RNF125: variants seen among roughly 807,000 people sequenced by gnomAD.
RNF125 encodes the protein E3 ubiquitin-protein ligase RNF125.
A neutral mutation model predicts 26.0 loss-of-function variants in RNF125; 21 were observed. That is an observed-to-expected ratio of 0.81 (90% CI 0.57 to 1.16). The LOEUF (loss-of-function observed/expected upper bound fraction) is 1.16. Ranked by LOEUF, RNF125 falls within the 50% of genes most tolerant of loss-of-function variation. The pLI, the probability that RNF125 is intolerant of heterozygous loss-of-function variation, is 0.00. For missense variants in RNF125, 270 were observed against 299.4 expected, an observed-to-expected ratio of 0.90 and a Z score of 0.72; for synonymous variants, 95 against 109.2, an observed-to-expected ratio of 0.87 and a Z score of 0.81.
chr18:32,040,265 CTTTCTTTTTTTTTT>C (rs1289898423), intron 2 of RNF125, among the ~76,000 whole-genome samples: 3 of 115,232 alleles, frequency 2.6e-5, no homozygotes, highest in African/African-American at 9.6e-5. Context: ...CAAACAATTT[CTTTCTTTTTTTTTT>C]TTTTTTTTTT....
intron 4 of RNF125, among the ~76,000 whole-genome samples, chr18:32,058,353 CT>C (rs938391389): frequency 1.4e-4 from 9 of 65,738 alleles, no homozygotes; most frequent in East Asian, 4.5e-4. Context: ...CAATTATACT[CT>C]TTTTTTTTTG....
chr18:32,067,578 C>T (rs10468830), intron 5 of RNF125, among the ~76,000 whole-genome samples: 3,095 of 152,238 alleles, frequency 0.02, 35 homozygotes, highest in African/African-American at 0.029. Context: ...GTATTTTTAT[C>T]TTCATTTAAC....
chr18:32,068,370 T>C lies in RNF125; in HGVS notation c.685T>C (p.Ser229Pro). 6.3e-7 allele frequency: 1 copy of C among 1,581,864 alleles called. No individual in the cohort carries two copies. The highest frequency in any genetic ancestry group is 8.7e-7 in the Non-Finnish European group (1 of 1,150,822). ...GTCACTTCTTGAATATGTGAATCAC[T>C]CGAACACCACATAATTTTATTAAAA... ...DRSLLEYVNH[S>P]NTT The change falls in exon 6 of 6, where the codon TCG becomes CCG. Residue 229 changes from serine (S) to proline (P), a missense_variant. Ser to Pro is a moderately conservative substitution (Grantham distance 74, BLOSUM62 -1). Coordinates refer to ENST00000217740, the MANE Select transcript of RNF125 (RefSeq NM_017831.4).
chr18:32,043,873 A>T (rs1337751707), intron 3 of RNF125, among the ~76,000 whole-genome samples: 2 of 152,244 alleles, frequency 1.3e-5, no homozygotes, highest in African/African-American at 4.8e-5. Context: ...GAGTTTGTCC[A>T]GAGTACAAGT....
At chr18:32,056,241 G>A (rs1051919614) in intron 4 of RNF125, among the ~76,000 whole-genome samples, 3 of 151,852 alleles carry the variant, frequency 2.0e-5, no homozygotes, top group African/African-American at 4.8e-5. Flanking sequence ...CAGACTTCAG[G>A]TACTGACTCC....
intron 1 of RNF125, among the ~76,000 whole-genome samples, chr18:32,036,416 C>T (rs59765658): frequency 0.26 from 39,850 of 151,116 alleles, 6,583 homozygotes; most frequent in African/African-American, 0.47. Context: ...ATAAATTACC[C>T]AAATGCTCAT....
At chr18:32,046,336 C>T (rs2039271294) in intron 4 of RNF125, among the ~76,000 whole-genome samples, 1 of 151,776 alleles carries the variant, frequency 6.6e-6, no homozygotes, top group Admixed American at 6.6e-5. Flanking sequence ...GTGGCTCACA[C>T]CTGTAATCCC....
intron 1 of RNF125, among the ~76,000 whole-genome samples, chr18:32,028,564 T>C (rs1568193439): frequency 6.8e-6 from 1 of 147,308 alleles, no homozygotes; most frequent in Non-Finnish European, 1.5e-5. Context: ...TAATTATTTT[T>C]GGGGGTAAAA....
At chr18:32,063,086 G>C (rs1466893134) in intron 4 of RNF125, among the ~76,000 whole-genome samples, 2 of 151,980 alleles carry the variant, frequency 1.3e-5, no homozygotes, top group Non-Finnish European at 2.9e-5. Flanking sequence ...TGGGCATGGT[G>C]GTGGGCGCCT....
At chr18:32,058,634 C>A (rs982030463) in intron 4 of RNF125, among the ~76,000 whole-genome samples, 1 of 152,204 alleles carries the variant, frequency 6.6e-6, no homozygotes, top group Non-Finnish European at 1.5e-5. Flanking sequence ...GCGTGAGCCC[C>A]TGTGCCTGGC....
chr18:32,025,828 A>G (rs529157195), intron 1 of RNF125, among the ~76,000 whole-genome samples: 195 of 152,010 alleles, frequency 1.3e-3, no homozygotes, highest in Admixed American at 4.9e-3. Flanking sequence ...AATGGCAAAA[A>G]GGAGGAGGGG....
At chr18:32,037,319 C>A (rs372747237) in intron 2 of RNF125, 50 bp downstream of exon 2, 18 of 1,177,966 alleles carry the variant, frequency 1.5e-5, no homozygotes, top group Non-Finnish European at 1.8e-5. Context: ...TAAGTCCCTG[C>A]GAAAGTTATC....
At chr18:32,067,315 G>C (rs534780115) in intron 5 of RNF125, among the ~76,000 whole-genome samples, 41 of 152,272 alleles carry the variant, frequency 2.7e-4, no homozygotes, top group African/African-American at 9.4e-4. Context: ...TTCTATGGCT[G>C]TTCTGTCTAA....
intron 1 of RNF125, among the ~76,000 whole-genome samples, chr18:32,020,154 TCTCCTGCCTC>T (rs2038973417): frequency 6.6e-6 from 1 of 151,594 alleles, no homozygotes; most frequent in South Asian, 2.1e-4. Context: ...CTCAAGTGAG[TCTCCTGCCTC>T]AGCCTCCCGA....
At chr18:32,052,970 A>G (rs755013038) in intron 4 of RNF125, among the ~76,000 whole-genome samples, 5 of 152,222 alleles carry the variant, frequency 3.3e-5, no homozygotes, top group South Asian at 2.1e-4. Flanking sequence ...AGAAAAGGGT[A>G]CCAGAAAAAA....
At chr18:32,086,472 C>T in the RNF125 span, among the ~76,000 whole-genome samples, 786 of 151,592 alleles carry the variant, frequency 5.2e-3, 4 homozygotes, top group Non-Finnish European at 7.4e-3. Flanking sequence ...CTAACTCAGT[C>T]TCCCGAGTAG....
rs762721981 is a variant in RNF125, at chr18:32,037,219, G to A, written c.268G>A (p.Ala90Thr). The A allele has an allele frequency of 3.7e-6, 6 of 1,605,748 alleles. No individual in the cohort carries two copies. Among genetic ancestry groups the A allele is most frequent in the Non-Finnish European group, 5.1e-6 (6 of 1,177,026 alleles). The change falls in exon 2 of 6, where the codon GCC (alanine) becomes ACC (threonine). Residue 90 changes from alanine (A) to threonine (T), a missense_variant. Transcript: ENST00000217740. ...AGAAGGAGTTCCAGCAACTGATGTA[G>A]CCAAAAGAATGAAATCAGAGTATAA... ...PSEGVPATDV[A>T]KRMKSEYKNC... is the part of the protein sequence containing the mutation.
chr18:32,058,391 G>T (rs2039405876), intron 4 of RNF125, among the ~76,000 whole-genome samples: 1 of 151,836 alleles, frequency 6.6e-6, no homozygotes, highest in Non-Finnish European at 1.5e-5. Flanking sequence ...TGTCGCCCAG[G>T]CTAGAGTGCA....
intron 4 of RNF125, among the ~76,000 whole-genome samples, chr18:32,058,246 AC>A (rs1174221162): frequency 6.6e-6 from 1 of 152,158 alleles, no homozygotes; most frequent in Non-Finnish European, 1.5e-5. Flanking sequence ...CACATGAAAT[AC>A]TTTGATACAG....
Sources: allele counts gnomAD v4.1 joint callset (sites outside exome capture counted in the v4.1 genomes callset), GRCh38; gene constraint gnomAD v4.1.1; transcripts MANE v1.5; gene names NCBI Gene and HGNC (gene_info 2026-07-23, HGNC 2026-07-21).